Variants in PITPNM1 observed in about 807,000 individuals in gnomAD.
PITPNM1 encodes the protein phosphatidylinositol transfer protein membrane associated 1, also known as membrane-associated phosphatidylinositol transfer protein 1.
Under a neutral mutation model 133.3 loss-of-function variants are expected in PITPNM1, and 74 were observed. The observed-to-expected ratio is 0.56, with a 90% CI of 0.46 to 0.67. The LOEUF (loss-of-function observed/expected upper bound fraction) is 0.67. PITPNM1 is among the 30% of genes least tolerant of loss of function. The pLI, the probability that PITPNM1 is intolerant of heterozygous loss-of-function variation, is 0.00. For missense variants in PITPNM1, 1,398 were observed against 1,739.5 expected, an observed-to-expected ratio of 0.80 and a Z score of 3.49; for synonymous variants, 738 against 741.4, an observed-to-expected ratio of 1.00 and a Z score of 0.08.
In PITPNM1 at chr11:67,504,401, G is replaced by A. The variant is rs893554405; in HGVS notation, c.-41-180C>T. On this transcript the variant is annotated intron_variant, in intron 1 of 23. Coordinates refer to ENST00000356404, the MANE Select transcript of PITPNM1 (RefSeq NM_004910.3). This position sits in a 1 kb window ranked among gnomAD's most constrained non-coding sequence, Gnocchi z 5.4. The stretch of plus-strand genomic sequence containing the variant: ...GGGCCGGGAGCCGCAGCGAGGCTGA[G>A]CGCTGACCTCTTTTCCGCGCAGCCC... 15 of 222,344 alleles carry A rather than the reference G, an allele frequency of 6.7e-5. No homozygotes were observed. Among genetic ancestry groups the A allele is most frequent in the African/African-American group, 3.2e-4 (14 of 43,160 alleles). The allele number at this position is 222,344 out of a possible 1,614,324, so 13.8% of individuals were successfully genotyped here.
chr11:67,497,971 G>A lies in PITPNM1; in HGVS notation c.1728C>T (p.Cys576=). ...VGGILGFDAL[C]HSANAGTGSR... is the part of the protein sequence containing the mutation. ...TCCCGGTGCCCGCGTTAGCACTGTG[G>A]CAGAGTGCATCAAAGCCCAGGATGC... The change falls in exon 12 of 24, where the codon TGC becomes TGT. Residue 576 remains cysteine, a synonymous_variant. Transcript: ENST00000356404. 1.2e-6 allele frequency: 2 copies of A among 1,611,188 alleles called. No individual in the cohort carries two copies. Among genetic ancestry groups the A allele is most frequent in the Non-Finnish European group, 1.7e-6 (2 of 1,179,982 alleles).
At position 67,499,733 on chromosome 11, in the gene PITPNM1, C is replaced by G; in HGVS notation, c.1161G>C (p.Glu387Asp). The change falls in exon 8 of 24, where the codon GAG (glutamate) becomes GAC (aspartate). Residue 387 changes from glutamate to aspartate, a missense_variant. Transcript: ENST00000356404. ...IDAFASPVEAEGTPEPGAEAA... is the reference protein window; with the variant it reads ...IDAFASPVEADGTPEPGAEAA... ...AGGCGGTATCTTTACCTGGCGTTCC[C>G]TCTGCCTCCACTGGGGAGGCAAAGG... 6.6e-7 allele frequency: 1 copy of G among 1,503,890 alleles called. No homozygotes were observed. Among genetic ancestry groups the G allele is most frequent in the African/African-American group, 1.4e-5 (1 of 70,912 alleles). The allele number at this position is 1,503,890 out of a possible 1,614,324, so 93.2% of individuals were successfully genotyped here.
chr11:67,500,004 C>A lies in PITPNM1; in HGVS notation c.973G>T (p.Val325Leu). Residue 325 changes from valine (V) to leucine (L), a missense_variant, in exon 7 of 24, where the codon GTG (valine) becomes TTG (leucine). This residue lies in a region of PITPNM1 where 195 missense variants were observed against 178.8 expected (regional missense o/e 1.09). Coordinates refer to ENST00000356404, the MANE Select transcript of PITPNM1 (RefSeq NM_004910.3). ...SSYSSQHGGAVSPQSLSEWRM... is the reference protein window; with the variant it reads ...SSYSSQHGGALSPQSLSEWRM... ...CACTCAGACAAGCTCTGGGGAGACACAGCCCCTGCCGGGCCAGCTCAGCCT... is the reference window on the plus strand; with the variant it reads ...CACTCAGACAAGCTCTGGGGAGACAAAGCCCCTGCCGGGCCAGCTCAGCCT... The A allele has an allele frequency of 6.2e-7, 1 of 1,612,112 alleles. No homozygotes were observed. Among genetic ancestry groups the A allele is most frequent in the Non-Finnish European group, 8.5e-7 (1 of 1,179,590 alleles).
At position 67,498,560 on chromosome 11, in the gene PITPNM1, C is replaced by G; in HGVS notation, c.1484+36G>C. 3 of 1,585,302 alleles carry G rather than the reference C, an allele frequency of 1.9e-6. No individual in the cohort carries two copies. The African/African-American group carries it at 4.0e-5, about 21-fold the overall frequency. On this transcript the variant is annotated intron_variant, in intron 10 of 23. Coordinates refer to ENST00000356404, the MANE Select transcript of PITPNM1 (RefSeq NM_004910.3). This position sits in a 1 kb window ranked among gnomAD's most constrained non-coding sequence, Gnocchi z 5.7. Reference sequence around the variant, plus strand: ...CCCTGCCCCGCTCCCTGGCCTGATCCTACGAGTTCCCTGCCCTTCCACCCG... The same window carrying G: ...CCCTGCCCCGCTCCCTGGCCTGATCGTACGAGTTCCCTGCCCTTCCACCCG...
At chr11:67,500,502 A>C in intron 5 of PITPNM1, 81 bp from the exon 6 acceptor site, 1 of 1,414,342 alleles carries the variant, frequency 7.1e-7, no homozygotes, top group South Asian at 1.3e-5. Flanking sequence ...TTGAGGTTGG[A>C]TAATGGCTCC....
rs1426259859 is a variant in PITPNM1, at chr11:67,500,323, C to G, written c.739G>C (p.Glu247Gln). ...SMADIRALEE[E>Q]TARMLAQRMA... ...CGCTGGGCCAGCATGCGAGCAGTCT[C>G]CTCTTCCAGTGCCCGGATGTCAGCC... is the stretch of plus-strand genomic sequence containing the variant. The change falls in exon 6 of 24, where the codon GAG (glutamate) becomes CAG (glutamine). Residue 247 changes from glutamate to glutamine, a missense_variant. Physicochemically the swap from Glu to Gln is conservative, Grantham distance 29. Transcript: ENST00000356404. The G allele has an allele frequency of 1.9e-6, 3 of 1,611,980 alleles. No individual in the cohort carries two copies. The highest frequency in any genetic ancestry group is 1.3e-5 in the African/African-American group (1 of 74,952).
chr11:67,496,352 G>A lies in PITPNM1; in HGVS notation c.2147-4C>T, dbSNP rs754431831. The stretch of plus-strand genomic sequence containing the variant: ...CAGGCTGGGCGCATCTGGGCTGCTG[G>A]TACCCAGAAGACAGAGAAAGATTGT... On this transcript the variant is annotated splice_region_variant and splice_polypyrimidine_tract_variant and intron_variant, in intron 14 of 23. Coordinates refer to ENST00000356404, the MANE Select transcript of PITPNM1 (RefSeq NM_004910.3). The A allele has an allele frequency of 6.4e-7, 1 of 1,571,290 alleles. No homozygotes were observed. The highest frequency in any genetic ancestry group is 1.9e-5 in the Admixed American group (1 of 53,348).
In PITPNM1 at chr11:67,504,681, C is replaced by T. The variant is rs945143267; in HGVS notation, c.-41-460G>A. Reference sequence around the variant, plus strand: ...CCCGGAGTCGGCGGGGTCCCAAGTCCCCCACTCTCGGACGTCCACCTAGAG... The same window carrying T: ...CCCGGAGTCGGCGGGGTCCCAAGTCTCCCACTCTCGGACGTCCACCTAGAG... On this transcript the variant is annotated intron_variant, in intron 1 of 23. Coordinates refer to ENST00000356404, the MANE Select transcript of PITPNM1 (RefSeq NM_004910.3). This position sits in a 1 kb window ranked among gnomAD's most constrained non-coding sequence, Gnocchi z 5.4. 5 of 152,274 alleles carry T rather than the reference C, an allele frequency of 3.3e-5. No homozygotes were observed. Among genetic ancestry groups the T allele is most frequent in the Admixed American group, 2.6e-4 (4 of 15,290 alleles). The allele number at this position is 152,274 out of a possible 1,614,324, so 9.4% of individuals were successfully genotyped here.
chr11:67,497,687 G>C lies in PITPNM1; in HGVS notation c.1783-8C>G, dbSNP rs201673089. ...AGAGAGCAGCTCATTGTTCTGGATG[G>C]AACAGGAGACAGAAACATTCTTAGG... On this transcript the variant is annotated splice_region_variant and splice_polypyrimidine_tract_variant and intron_variant, in intron 12 of 23. Coordinates refer to ENST00000356404, the MANE Select transcript of PITPNM1 (RefSeq NM_004910.3). 3.0e-5 allele frequency: 48 copies of C among 1,608,100 alleles called. 1 individual carries two copies. The South Asian group carries it at 3.3e-4, about 11-fold the overall frequency.
At chr11:67,499,090 G>C in intron 8 of PITPNM1, 89 bp from the exon 9 acceptor site, 1 of 1,312,844 alleles carries the variant, frequency 7.6e-7, no homozygotes, top group Non-Finnish European at 1.0e-6. Flanking sequence ...TCTGGCATCT[G>C]CCTGAGGCCC....
chr11:67,505,923 G>A (rs965384415), upstream of PITPNM1, among the ~76,000 whole-genome samples: 5 of 152,202 alleles, frequency 3.3e-5, no homozygotes, highest in African/African-American at 9.7e-5. This position sits in a 1 kb window ranked among gnomAD's most constrained non-coding sequence, Gnocchi z 5.8. Flanking sequence ...CCACAAGTCC[G>A]GTCACCCAGC....
At chr11:67,503,595 G>C (rs1032669337) in intron 2 of PITPNM1, among the ~76,000 whole-genome samples, 1 of 152,170 alleles carries the variant, frequency 6.6e-6, no homozygotes, top group African/African-American at 2.4e-5. Context: ...ATCTGGAGCA[G>C]ACTCCCCCAG....
chr11:67,492,817 C>T, intron 23 of PITPNM1, 117 bp downstream of exon 23: 2 of 1,319,782 alleles, frequency 1.5e-6, no homozygotes, highest in Non-Finnish European at 2.1e-6. Context: ...TCCCAGGTTC[C>T]CTGGAGGCCG....
At chr11:67,493,289 CAGT>C in intron 22 of PITPNM1, 118 bp downstream of exon 22, 1 of 1,189,488 alleles carries the variant, frequency 8.4e-7, no homozygotes, top group Non-Finnish European at 1.2e-6. Flanking sequence ...CGGGCCGCTG[CAGT>C]CAGGCAGGGC....
In PITPNM1 at chr11:67,502,519, G is replaced by A; in HGVS notation, c.278C>T (p.Pro93Leu). The A allele has an allele frequency of 6.2e-7, 1 of 1,613,764 alleles. No homozygotes were observed. The highest frequency in any genetic ancestry group is 1.7e-5 in the Admixed American group (1 of 60,032). ...QVEEESWNAY[P>L]YTRTRYTCPF... is the part of the protein sequence containing the mutation. ...ACCCACTCACCGGGTTCGGGTGTAG[G>A]GGTAGGCATTCCAGGATTCCTCTTC... Residue 93 changes from proline (P) to leucine (L), a missense_variant, in exon 3 of 24, where the codon CCC becomes CTC. Transcript: ENST00000356404. The surrounding 1 kb of genome is among the most constrained non-coding windows in gnomAD (Gnocchi z 5.9).
At position 67,493,934 on chromosome 11, in the gene PITPNM1, C is replaced by A. The variant is rs1473660721; in HGVS notation, c.2996G>T (p.Arg999Leu). The A allele has an allele frequency of 3.2e-6, 5 of 1,573,928 alleles. No homozygotes were observed. Among genetic ancestry groups the A allele is most frequent in the Non-Finnish European group, 4.3e-6 (5 of 1,159,032 alleles). The part of the protein sequence containing the change: ...RALGIGVYPV[R>L]MVVRGDHTYA... ...CAGCCGCGCTCACCTGACCACCATG[C>A]GCACGGGGTAGACACCAATGCCCAG... Residue 999 changes from arginine to leucine, a missense_variant, in exon 20 of 24, where the codon CGC becomes CTC. This residue lies in a region of PITPNM1 where 233 missense variants were observed against 378.0 expected (regional missense o/e 0.62). Transcript: ENST00000356404.
chr11:67,498,789 G>C lies in PITPNM1; in HGVS notation c.1291C>G (p.Leu431Val), dbSNP rs1351043796. 1.2e-6 allele frequency: 2 copies of C among 1,612,540 alleles called. No individual in the cohort carries two copies. Among genetic ancestry groups the C allele is most frequent in the Non-Finnish European group, 1.7e-6 (2 of 1,179,994 alleles). ...AEACAVHALF[L>V]ILHSGNILDS... ...AGGATGTTGCCGCTGTGCAGGATAA[G>C]GAAGAGGGCGTGGACTGCGCATGCC... Residue 431 changes from leucine (L) to valine (V), a missense_variant, in exon 10 of 24, where the codon CTT becomes GTT. Leu to Val is a conservative substitution (Grantham distance 32). Transcript: ENST00000356404. The surrounding 1 kb of genome is among the most constrained non-coding windows in gnomAD (Gnocchi z 5.7).
Position 67,498,544 on chromosome 11 carries a change from G to C in PITPNM1, c.1484+52C>G. ...TGACCCCTTCCCCGCTCCCTGCCCC[G>C]CTCCCTGGCCTGATCCTACGAGTTC... is the stretch of plus-strand genomic sequence containing the variant. On this transcript the variant is annotated intron_variant, in intron 10 of 23. Transcript: ENST00000356404. This position sits in a 1 kb window ranked among gnomAD's most constrained non-coding sequence, Gnocchi z 5.7. The C allele has an allele frequency of 6.4e-7, 1 of 1,571,698 alleles. No homozygotes were observed.
At position 67,500,003 on chromosome 11, in the gene PITPNM1, A is replaced by T; in HGVS notation, c.974T>A (p.Val325Glu). The change falls in exon 7 of 24, where the codon GTG becomes GAG. Residue 325 changes from valine to glutamate, a missense_variant. By Grantham distance (121) the Val-to-Glu change is moderately radical. This residue lies in a region of PITPNM1 where 195 missense variants were observed against 178.8 expected (regional missense o/e 1.09). Transcript: ENST00000356404. Reference sequence around the variant, plus strand: ...CCACTCAGACAAGCTCTGGGGAGACACAGCCCCTGCCGGGCCAGCTCAGCC... The same window carrying T: ...CCACTCAGACAAGCTCTGGGGAGACTCAGCCCCTGCCGGGCCAGCTCAGCC... ...SSYSSQHGGA[V>E]SPQSLSEWRM... 6.2e-7 allele frequency: 1 copy of T among 1,612,162 alleles called. No individual in the cohort carries two copies. Among genetic ancestry groups the T allele is most frequent in the Non-Finnish European group, 8.5e-7 (1 of 1,179,626 alleles).
Sources: gnomAD v4.1 joint callset for allele counts (sites outside exome capture counted in the v4.1 genomes callset) on GRCh38, gnomAD v4.1.1 for gene constraint, gnomAD v4.1.1 regional missense constraint, Gnocchi (gnomAD v3.1) non-coding constraint, MANE v1.5 for transcripts, NCBI Gene and HGNC (gene_info 2026-07-23, HGNC 2026-07-21) for gene names.